Variants in MERTK observed in about 807,000 individuals in gnomAD.
MERTK encodes tyrosine-protein kinase Mer.
MERTK carries 69 observed loss-of-function variants against 99.3 expected under a neutral mutation model. That is an observed-to-expected ratio of 0.70 (90% confidence interval 0.57 to 0.85). The LOEUF is 0.85. MERTK is among the 40% of genes least tolerant of loss of function. MERTK has a pLI of 0.00. For synonymous variants in MERTK, 426 were observed against 467.6 expected (o/e 0.91, Z 1.15); for missense variants, 1,125 against 1,249.4 (o/e 0.90, Z 1.50).
intron 2 of MERTK, among the ~76,000 whole-genome samples, chr2:111,939,664 T>G (rs112658010): frequency 1.3e-3 from 144 of 109,646 alleles, no homozygotes; most frequent in Non-Finnish European, 1.5e-3. Flanking sequence ...ATTTTTTTTT[T>G]TTTTTTTTTT....
chr2:111,969,327 C>T (rs1676031973), intron 6 of MERTK, among the ~76,000 whole-genome samples: 1 of 152,160 alleles, frequency 6.6e-6, no homozygotes, highest in Admixed American at 6.5e-5. Context: ...TCAGAACCAT[C>T]AGCTCTTCCG....
chr2:112,027,886 G>A (rs574530785), intron 18 of MERTK, among the ~76,000 whole-genome samples: 1 of 152,208 alleles, frequency 6.6e-6, no homozygotes, highest in Non-Finnish European at 1.5e-5. Context: ...TTCCTATAAA[G>A]TGCCAAATAG....
intron 7 of MERTK, among the ~76,000 whole-genome samples, chr2:111,976,457 A>G (rs1676251828): frequency 6.6e-6 from 1 of 151,952 alleles, no homozygotes; most frequent in Non-Finnish European, 1.5e-5. Flanking sequence ...TAAAGCACCC[A>G]ACATCATAGC....
intron 14 of MERTK, 135 bp downstream of exon 14, chr2:112,008,610 C>A (rs746430260): frequency 1.3e-6 from 1 of 781,076 alleles, no homozygotes. Context: ...TTGAGGTTTT[C>A]ACCCAGACTT....
chr2:111,994,559 T>C lies in MERTK; in HGVS notation c.1450+155T>C, dbSNP rs989072429. 3 of 1,059,648 alleles carry C rather than the reference T, an allele frequency of 2.8e-6. No homozygotes were observed. The African/African-American group carries it at 4.7e-5, about 17-fold the overall frequency. The allele number at this position is 1,059,648 out of a possible 1,614,324, so 65.6% of individuals were successfully genotyped here. The stretch of plus-strand genomic sequence containing the variant: ...TTCAGGAGGCAAAAGCAGGAGGAGT[T>C]TGAGAACAACCTGGGCAATGGGCAA... On this transcript the variant is annotated intron_variant, in intron 9 of 18. Coordinates refer to ENST00000295408, the MANE Select transcript of MERTK (RefSeq NM_006343.3).
intron 15 of MERTK, among the ~76,000 whole-genome samples, chr2:112,019,026 A>T (rs993495724): frequency 6.6e-6 from 1 of 152,032 alleles, no homozygotes. Context: ...ACACACACAC[A>T]CACACACACC....
At chr2:111,986,849 A>G (rs11677627) in intron 8 of MERTK, among the ~76,000 whole-genome samples, 4 of 152,164 alleles carry the variant, frequency 2.6e-5, no homozygotes, top group African/African-American at 7.2e-5. Flanking sequence ...ACAGTGGCTC[A>G]CTTTACTTTG....
At chr2:112,017,628 G>A (rs913239750) in intron 15 of MERTK, among the ~76,000 whole-genome samples, 5 of 105,332 alleles carry the variant, frequency 4.7e-5, no homozygotes, top group Admixed American at 1.0e-4. Flanking sequence ...GCACGACTTC[G>A]TCTCAAAAAA....
chr2:111,904,753 G>A (rs879678326), intron 1 of MERTK, among the ~76,000 whole-genome samples: 4 of 152,192 alleles, frequency 2.6e-5, no homozygotes, highest in African/African-American at 4.8e-5. Flanking sequence ...GAGAAAATGA[G>A]GCTTTGGTTC....
intron 15 of MERTK, among the ~76,000 whole-genome samples, chr2:112,014,327 G>T (rs1162295015): frequency 6.6e-6 from 1 of 151,344 alleles, no homozygotes; most frequent in African/African-American, 2.4e-5. Flanking sequence ...GGCCATGCCT[G>T]GCTAATTTTG....
chr2:112,019,563 G>T, intron 16 of MERTK, 41 bp downstream of exon 16: 1 of 1,473,406 alleles, frequency 6.8e-7, no homozygotes, highest in South Asian at 1.1e-5. Flanking sequence ...TGGACCTCAT[G>T]GTGTTTGGTC....
intron 1 of MERTK, among the ~76,000 whole-genome samples, chr2:111,922,400 C>T (rs1173229591): frequency 6.6e-6 from 1 of 152,222 alleles, no homozygotes; most frequent in African/African-American, 2.4e-5. Context: ...TGCCTTAGAG[C>T]TAAGAGCCCT....
At chr2:111,943,973 A>G (rs1684910460) in intron 2 of MERTK, among the ~76,000 whole-genome samples, 1 of 152,130 alleles carries the variant, frequency 6.6e-6, no homozygotes, top group Non-Finnish European at 1.5e-5. Context: ...ACCCCAATGC[A>G]GAGAACCACT....
In MERTK at chr2:112,028,769, T is replaced by G; in HGVS notation, c.2905T>G (p.Trp969Gly). The G allele has an allele frequency of 1.9e-6, 3 of 1,614,156 alleles. No individual in the cohort carries two copies. The South Asian group carries it at 3.3e-5, about 18-fold the overall frequency. Reference sequence around the variant, plus strand: ...GAGACTTGTTAGGAATGGGGTCTCCTGGTCCCATTCGAGCATGCTGCCCTT... The same window carrying G: ...GAGACTTGTTAGGAATGGGGTCTCCGGGTCCCATTCGAGCATGCTGCCCTT... ...GERLVRNGVS[W>G]SHSSMLPLGS... Residue 969 changes from tryptophan to glycine, a missense_variant, in exon 19 of 19, where the codon TGG (tryptophan) becomes GGG (glycine). Physicochemically the swap from Trp to Gly is radical, Grantham distance 184. Coordinates refer to ENST00000295408, the MANE Select transcript of MERTK (RefSeq NM_006343.3).
chr2:111,978,227 G>A (rs906833507), intron 7 of MERTK, among the ~76,000 whole-genome samples: 4 of 151,036 alleles, frequency 2.6e-5, no homozygotes, highest in East Asian at 3.9e-4. Context: ...TCAGCTCACC[G>A]CAACATCTGC....
At chr2:111,968,077 C>T in intron 5 of MERTK, 60 bp from the exon 6 acceptor site, 2 of 1,180,948 alleles carry the variant, frequency 1.7e-6, no homozygotes, top group South Asian at 1.2e-5. Context: ...GTAGCTGTAG[C>T]CTGTCATCTA....
intron 4 of MERTK, among the ~76,000 whole-genome samples, chr2:111,949,872 C>T (rs1191072022): frequency 6.6e-6 from 1 of 152,182 alleles, no homozygotes; most frequent in Non-Finnish European, 1.5e-5. Flanking sequence ...CTTTCCGTGG[C>T]TTCTTCCACT....
intron 15 of MERTK, among the ~76,000 whole-genome samples, chr2:112,013,039 C>G (rs898269879): frequency 1.4e-4 from 22 of 151,896 alleles, no homozygotes; most frequent in Admixed American, 1.0e-3. Flanking sequence ...CTTTTTTTCC[C>G]CCTTTTACTC....
chr2:111,917,361 G>C (rs1021756297), intron 1 of MERTK, among the ~76,000 whole-genome samples: 7 of 152,176 alleles, frequency 4.6e-5, no homozygotes, highest in Non-Finnish European at 1.0e-4. Context: ...GACTTTTGCT[G>C]GTGTGGATGG....
Sources: allele counts gnomAD v4.1 joint callset (sites outside exome capture counted in the v4.1 genomes callset), GRCh38; gene constraint gnomAD v4.1.1; transcripts MANE v1.5; gene names NCBI Gene and HGNC (gene_info 2026-07-23, HGNC 2026-07-21).